The following RFX3 variants were observed in gnomAD, a reference collection of about 807,000 sequenced individuals.
RFX3 encodes the protein transcription factor RFX3.
A neutral mutation model predicts 98.6 loss-of-function variants in RFX3; 14 were observed. That is an observed-to-expected ratio of 0.14 (90% confidence interval 0.09 to 0.22). The LOEUF (loss-of-function observed/expected upper bound fraction) is 0.22. Ranked by LOEUF, RFX3 falls within the 10% of genes least tolerant of loss-of-function variation. The pLI is 1.00. For synonymous variants in RFX3, 383 were observed against 328.4 expected, an observed-to-expected ratio of 1.17 and a Z score of -1.80; for missense variants, 639 against 926.9, an observed-to-expected ratio of 0.69 and a Z score of 4.03.
intron 1 of RFX3, among the ~76,000 whole-genome samples, chr9:3,469,833 G>A (rs528749022): frequency 2.7e-5 from 4 of 149,378 alleles, no homozygotes; most frequent in African/African-American, 5.0e-5. Flanking sequence ...GTGACAGAGC[G>A]TGACTCCGTC....
intron 1 of RFX3, among the ~76,000 whole-genome samples, chr9:3,462,492 A>G (rs1022131262): frequency 2.0e-5 from 3 of 152,056 alleles, no homozygotes; most frequent in African/African-American, 7.2e-5. Context: ...GAGGGCAAGG[A>G]TATCCTCCCT....
chr9:3,394,823 T>C (rs1180947333), intron 2 of RFX3: 15 of 985,098 alleles, frequency 1.5e-5, no homozygotes, highest in Middle Eastern at 5.2e-4. Flanking sequence ...GTGTTCACAA[T>C]CCACATACAT....
chr9:3,449,870 T>TA lies in RFX3; in HGVS notation c.-8-54275dup, dbSNP rs1330081583. ...GCAACTGAGCGACACCCTGTCTCAA[T>TA]AAAAAAAAAAGAAAAGAAAAAAAAA... On this transcript the variant is annotated intron_variant, in intron 1 of 16. Coordinates refer to ENST00000617270, the MANE Select transcript of RFX3 (RefSeq NM_001282116.2). 1.3e-3 allele frequency among the ~76,000 whole-genome samples: 67 copies of TA among 52,720 alleles called. 1 individual carries two copies. The highest frequency in any genetic ancestry group is 1.3e-3 in the African/African-American group (18 of 13,912). The allele number at this position is 52,720 out of a possible 152,430, so 34.6% of individuals were successfully genotyped here.
intron 1 of RFX3, among the ~76,000 whole-genome samples, chr9:3,471,331 A>G (rs1315148813): frequency 1.3e-5 from 2 of 152,230 alleles, no homozygotes; most frequent in Non-Finnish European, 2.9e-5. Flanking sequence ...TTTTACAAAT[A>G]ACTGAGTCTT....
intron 1 of RFX3, among the ~76,000 whole-genome samples, chr9:3,422,338 G>C (rs1475996793): frequency 2.0e-5 from 3 of 152,170 alleles, no homozygotes; most frequent in African/African-American, 7.2e-5. Flanking sequence ...GCTGTTGTTG[G>C]TAATGGTGGT....
At chr9:3,461,935 A>G (rs1247558867) in intron 1 of RFX3, among the ~76,000 whole-genome samples, 1 of 151,994 alleles carries the variant, frequency 6.6e-6, no homozygotes, top group Non-Finnish European at 1.5e-5. Context: ...ACCCTTTAAT[A>G]CATATTAAGA....
intron 2 of RFX3, among the ~76,000 whole-genome samples, chr9:3,385,624 C>G (rs553804376): frequency 1.3e-5 from 2 of 149,580 alleles, no homozygotes; most frequent in Admixed American, 6.7e-5. Context: ...AGGAGAATCA[C>G]TTGAACCCAG....
intron 1 of RFX3, among the ~76,000 whole-genome samples, chr9:3,510,196 A>G (rs1817533350): frequency 6.6e-6 from 1 of 151,980 alleles, no homozygotes; most frequent in African/African-American, 2.4e-5. Flanking sequence ...TAGTAGAGAT[A>G]GGAAGAAAGG....
intron 15 of RFX3, among the ~76,000 whole-genome samples, chr9:3,241,707 A>G (rs1819946392): frequency 6.6e-6 from 1 of 152,200 alleles, no homozygotes; most frequent in South Asian, 2.1e-4. Context: ...CGACTTCTTT[A>G]AAAAAATGTT....
In RFX3 at chr9:3,376,624, A is replaced by G. The variant is rs183195511; in HGVS notation, c.117+18848T>C. On this transcript the variant is annotated intron_variant, in intron 2 of 16. Coordinates refer to ENST00000617270, the MANE Select transcript of RFX3 (RefSeq NM_001282116.2). Reference sequence around the variant, plus strand: ...TAACTGAACTAAAGAGCTTCTGCACAGCAAAAGAAACTACCATCAGAGTGA... The same window carrying G: ...TAACTGAACTAAAGAGCTTCTGCACGGCAAAAGAAACTACCATCAGAGTGA... Among the ~76,000 whole-genome samples, 821 of 152,322 alleles carry G rather than the reference A, an allele frequency of 5.4e-3. 9 individuals are homozygous for G. Among genetic ancestry groups the G allele is most frequent in the Admixed American group, 8.4e-3 (128 of 15,298 alleles).
At chr9:3,307,648 C>T (rs1776504981) in intron 4 of RFX3, among the ~76,000 whole-genome samples, 1 of 152,176 alleles carries the variant, frequency 6.6e-6, no homozygotes, top group Admixed American at 6.5e-5. Flanking sequence ...GTGATTAGAA[C>T]ATTTCAAATA....
Position 3,223,737 on chromosome 9 carries a change from C to CA in RFX3, c.*1304_*1305insT, listed in dbSNP as rs1181730303. 1.3e-5 allele frequency: 2 copies of CA among 152,208 alleles called. No individual in the cohort carries two copies. The highest frequency in any genetic ancestry group is 4.8e-5 in the African/African-American group (2 of 41,454). The allele number at this position is 152,208 out of a possible 1,614,324, so 9.4% of individuals were successfully genotyped here. A position where few individuals can be genotyped will look rare whatever the true frequency, so the allele number is the denominator to read the frequency against. On this transcript the variant is annotated 3_prime_UTR_variant, in exon 17 of 17. Coordinates refer to ENST00000617270, the MANE Select transcript of RFX3 (RefSeq NM_001282116.2). ...CAGGAATCTGAAAATGACAGGCACA[C>CA]TTTGTCAAATGGATTGAAGAGTTAG...
chr9:3,437,958 G>C (rs1055333859), intron 1 of RFX3, among the ~76,000 whole-genome samples: 1 of 151,964 alleles, frequency 6.6e-6, no homozygotes, highest in Non-Finnish European at 1.5e-5. Flanking sequence ...AAAAACTAAT[G>C]ACGTATATAT....
intron 1 of RFX3, among the ~76,000 whole-genome samples, chr9:3,503,399 A>T (rs1211675619): frequency 6.6e-6 from 1 of 150,804 alleles, no homozygotes; most frequent in African/African-American, 2.4e-5. Flanking sequence ...CATTTATGTT[A>T]TATTTATTAT....
chr9:3,356,136 A>G (rs971605221), intron 2 of RFX3, among the ~76,000 whole-genome samples: 1 of 146,946 alleles, frequency 6.8e-6, no homozygotes, highest in African/African-American at 2.6e-5. Context: ...ATTGAAGAAT[A>G]TATCAAATCT....
At chr9:3,516,543 C>T (rs765874596) in intron 1 of RFX3, among the ~76,000 whole-genome samples, 4 of 152,000 alleles carry the variant, frequency 2.6e-5, no homozygotes, top group Admixed American at 6.6e-5. Flanking sequence ...GACCAGGGAC[C>T]CCAAAGTAGT....
At chr9:3,304,743 C>A (rs1312107689) in intron 4 of RFX3, among the ~76,000 whole-genome samples, 2 of 151,984 alleles carry the variant, frequency 1.3e-5, no homozygotes, top group Non-Finnish European at 2.9e-5. Context: ...TGTGAGGTCT[C>A]CCCAGACACA....
At chr9:3,437,556 A>T (rs1324676596) in intron 1 of RFX3, among the ~76,000 whole-genome samples, 1 of 152,114 alleles carries the variant, frequency 6.6e-6, no homozygotes, top group Non-Finnish European at 1.5e-5. Flanking sequence ...AACTTCAAGC[A>T]AGGGGGAACT....
intron 1 of RFX3, among the ~76,000 whole-genome samples, chr9:3,424,534 G>T (rs1449385906): frequency 6.6e-6 from 1 of 151,012 alleles, no homozygotes; most frequent in South Asian, 2.1e-4. Context: ...GATAATTTTT[G>T]TATTTTTAGT....
Sources: gnomAD v4.1 joint callset for allele counts (sites outside exome capture counted in the v4.1 genomes callset) on GRCh38, gnomAD v4.1.1 for gene constraint, MANE v1.5 for transcripts, NCBI Gene and HGNC (gene_info 2026-07-23, HGNC 2026-07-21) for gene names.